Variants in TNIK observed in about 807,000 individuals in gnomAD.
TNIK encodes the protein TRAF2 and NCK interacting kinase, also known as TRAF2 and NCK-interacting protein kinase.
Under a neutral mutation model 191.3 loss-of-function variants are expected in TNIK, and 49 were observed. That is an observed-to-expected ratio of 0.26 (90% CI 0.20 to 0.32). TNIK has a LOEUF of 0.32. TNIK is among the 10% of genes least tolerant of loss of function. TNIK has a pLI of 1.00. For missense variants in TNIK, 1,155 were observed against 1,702.3 expected (o/e 0.68, Z 5.66); for synonymous variants, 594 against 600.9 (o/e 0.99, Z 0.17).
chr3:171,145,056 T>G (rs1051452973), intron 12 of TNIK, among the ~76,000 whole-genome samples: 3 of 151,546 alleles, frequency 2.0e-5, no homozygotes, highest in African/African-American at 7.3e-5. Context: ...TGAATAGTGC[T>G]GCAATAAACA....
intron 23 of TNIK, among the ~76,000 whole-genome samples, 162 bp downstream of exon 23, chr3:171,093,677 C>T (rs1338683545): frequency 1.3e-5 from 2 of 152,200 alleles, no homozygotes; most frequent in Non-Finnish European, 2.9e-5. Flanking sequence ...AAGAAGGCAG[C>T]AGACAATTAA....
At chr3:171,317,512 G>A (rs998399933) in intron 2 of TNIK, among the ~76,000 whole-genome samples, 6 of 152,148 alleles carry the variant, frequency 3.9e-5, no homozygotes, top group South Asian at 2.1e-4. Flanking sequence ...GAAGTATTCA[G>A]TCACTCATCT....
At chr3:171,074,266 CAG>C (rs991195061) in intron 28 of TNIK, among the ~76,000 whole-genome samples, 1 of 152,086 alleles carries the variant, frequency 6.6e-6, no homozygotes, top group African/African-American at 2.4e-5. Context: ...AACCCAGAAA[CAG>C]AAAGTCAACA....
intron 1 of TNIK, among the ~76,000 whole-genome samples, chr3:171,440,317 C>G (rs78255143): frequency 0.032 from 4,899 of 152,248 alleles, 120 homozygotes; most frequent in South Asian, 0.078. Flanking sequence ...TTTTTCTACT[C>G]TATTCTAATT....
At chr3:171,155,133 A>C (rs1027984464) in intron 12 of TNIK, among the ~76,000 whole-genome samples, 1 of 152,242 alleles carries the variant, frequency 6.6e-6, no homozygotes, top group Non-Finnish European at 1.5e-5. Flanking sequence ...AAAAGGAAAA[A>C]TGACTCGCAG....
chr3:171,196,476 AG>A (rs1299141879), intron 4 of TNIK, among the ~76,000 whole-genome samples: 2 of 152,220 alleles, frequency 1.3e-5, no homozygotes, highest in Non-Finnish European at 2.9e-5. Flanking sequence ...ACTGATTTAC[AG>A]GAAATTCAGA....
intron 1 of TNIK, among the ~76,000 whole-genome samples, chr3:171,423,983 G>T (rs935440210): frequency 6.6e-6 from 1 of 152,120 alleles, no homozygotes; most frequent in Non-Finnish European, 1.5e-5. Context: ...ATTGACAAAT[G>T]GGATCTAATT....
At chr3:171,180,486 G>C (rs903373083) in intron 7 of TNIK, among the ~76,000 whole-genome samples, 2 of 152,230 alleles carry the variant, frequency 1.3e-5, no homozygotes, top group Non-Finnish European at 2.9e-5. Flanking sequence ...ACAGGGCAAG[G>C]ATCTTTGTTC....
chr3:171,353,426 G>A lies in TNIK; in HGVS notation c.123+16194C>T, dbSNP rs370810639. 7.2e-5 allele frequency among the ~76,000 whole-genome samples: 11 copies of A among 152,170 alleles called. No individual in the cohort carries two copies. In the South Asian group the frequency reaches 8.3e-4, roughly 12 times the overall value. On this transcript the variant is annotated intron_variant, in intron 2 of 32. Transcript: ENST00000436636. The stretch of plus-strand genomic sequence containing the variant: ...GTAAGTGCTTACTTTATGATGTTGC[G>A]GAAGCCTGCTACCGAGCCTTTCCTA...
At chr3:171,342,223 C>G (rs1757607853) in intron 2 of TNIK, among the ~76,000 whole-genome samples, 1 of 152,212 alleles carries the variant, frequency 6.6e-6, no homozygotes, top group Admixed American at 6.5e-5. Context: ...CCCAATCCCA[C>G]AGTCTCCAAT....
Position 171,182,006 on chromosome 3 carries a change from C to T in TNIK, c.640-4626G>A, listed in dbSNP as rs189977912. ...AATATGTACTTTATTTAGTACACAT[C>T]ACCTCAGAATCCCTCTTGGGCAGCC... On this transcript the variant is annotated intron_variant, in intron 7 of 32. Coordinates refer to ENST00000436636, the MANE Select transcript of TNIK (RefSeq NM_015028.4). Among the ~76,000 whole-genome samples the T allele has an allele frequency of 2.0e-5, 3 of 152,184 alleles. No homozygotes were observed. The East Asian group carries it at 5.8e-4, about 29-fold the overall frequency.
intron 4 of TNIK, among the ~76,000 whole-genome samples, chr3:171,207,410 G>A (rs1220003421): frequency 6.6e-6 from 1 of 151,062 alleles, no homozygotes; most frequent in African/African-American, 2.4e-5. Flanking sequence ...TGTTACCCAC[G>A]CTGGTCTCAG....
At chr3:171,206,721 C>T (rs76245201) in intron 4 of TNIK, among the ~76,000 whole-genome samples, 3,657 of 152,236 alleles carry the variant, frequency 0.024, 137 homozygotes, top group African/African-American at 0.084. Context: ...CAATTAACTT[C>T]ACTGGACCCA....
chr3:171,162,249 A>G (rs765086473), intron 10 of TNIK, among the ~76,000 whole-genome samples: 30 of 151,796 alleles, frequency 2.0e-4, no homozygotes, highest in Admixed American at 5.3e-4. Flanking sequence ...GTGAAACCCC[A>G]TCTCTACTAA....
chr3:171,320,330 G>T (rs1012608745), intron 2 of TNIK, among the ~76,000 whole-genome samples: 1 of 152,056 alleles, frequency 6.6e-6, no homozygotes, highest in Admixed American at 6.6e-5. Context: ...TAAATAAATT[G>T]TTACTAGGGG....
chr3:171,182,950 G>C (rs1736847248), intron 7 of TNIK, among the ~76,000 whole-genome samples: 1 of 152,202 alleles, frequency 6.6e-6, no homozygotes. Flanking sequence ...GGACTGGTAA[G>C]AGAATTCAAT....
rs11324657 is a variant in TNIK at position 171,210,851 on chromosome 3, GAA to G, written c.306+263_306+264del. On this transcript the variant is annotated intron_variant, in intron 4 of 32. Coordinates refer to ENST00000436636, the MANE Select transcript of TNIK (RefSeq NM_015028.4). ...ACACAATAAAAGGTTGTCAATTAGT[GAA>G]AAAAAAAAAAAAAAACAGAGAACTT... 7.2e-3 allele frequency among the ~76,000 whole-genome samples: 950 copies of G among 131,384 alleles called. 4 individuals carry two copies. The highest frequency in any genetic ancestry group is 0.02 in the East Asian group (94 of 4,678). 86.2% of individuals were successfully genotyped at this position (131,384 alleles called of 152,430 possible).
intron 1 of TNIK, among the ~76,000 whole-genome samples, chr3:171,433,816 G>C (rs1163650360): frequency 1.3e-5 from 2 of 151,174 alleles, no homozygotes; most frequent in African/African-American, 4.9e-5. Flanking sequence ...CAGGCCTTTA[G>C]TATGTCCCTT....
intron 1 of TNIK, among the ~76,000 whole-genome samples, chr3:171,381,765 A>G (rs1718058666): frequency 6.6e-6 from 1 of 152,188 alleles, no homozygotes; most frequent in South Asian, 2.1e-4. Context: ...GGGCTGCCCA[A>G]ATGGAGCTGA....
Sources: allele counts gnomAD v4.1 joint callset (sites outside exome capture counted in the v4.1 genomes callset), GRCh38; gene constraint gnomAD v4.1.1; transcripts MANE v1.5; gene names NCBI Gene and HGNC (gene_info 2026-07-23, HGNC 2026-07-21).